Variants in KMT2C observed in about 807,000 individuals in gnomAD.
KMT2C encodes the protein lysine methyltransferase 2C, also known as histone-lysine N-methyltransferase 2C.
A neutral mutation model predicts 507.9 loss-of-function variants in KMT2C; 88 were observed. That is an observed-to-expected ratio of 0.17 (90% CI 0.15 to 0.21). The LOEUF is 0.21. Among genes scored for constraint, KMT2C ranks in the 10% least tolerant of loss-of-function variants. The probability of loss-of-function intolerance (pLI) is 1.00; values close to 1 mark genes in which losing one functional copy is unlikely to be tolerated. For synonymous variants in KMT2C, 2,049 were observed against 2,080.8 expected (o/e 0.98, Z 0.42); for missense variants, 4,954 against 5,957.8 (o/e 0.83, Z 5.55).
At chr7:152,207,451 A>C (rs776052984) in intron 23 of KMT2C, 23 bp from the exon 24 acceptor site, 3 of 1,554,670 alleles carry the variant, frequency 1.9e-6, no homozygotes, top group South Asian at 1.2e-5. Context: ...AAATGTATAC[A>C]CAAAACTGGA....
intron 26 of KMT2C, among the ~76,000 whole-genome samples, chr7:152,200,421 A>G (rs956476076): frequency 4.6e-5 from 7 of 152,340 alleles, no homozygotes; most frequent in South Asian, 2.1e-4. Context: ...AAGTTGAATT[A>G]CACATACAGT....
At position 152,177,846 on chromosome 7, in the gene KMT2C, C is replaced by A. The variant is rs1317868517; in HGVS notation, c.7607G>T (p.Gly2536Val). 6.2e-7 allele frequency: 1 copy of A among 1,613,420 alleles called. No individual in the cohort carries two copies. Among genetic ancestry groups the A allele is most frequent in the Non-Finnish European group, 8.5e-7 (1 of 1,179,860 alleles). Residue 2536 changes from glycine to valine, a missense_variant, in exon 38 of 59, where the codon GGA becomes GTA. This residue lies in a region of KMT2C where 1,689 missense variants were observed against 1,654.3 expected (regional missense o/e 1.02). Transcript: ENST00000262189. ...LNNSQMNNPVGLPQHFSPQSL... is the reference protein window; with the variant it reads ...LNNSQMNNPVVLPQHFSPQSL... ...CTGTGGTGAAAAATGCTGAGGAAGT[C>A]CAACTGGATTATTCATTTGTGAGTT... is the stretch of plus-strand genomic sequence containing the variant.
At chr7:152,420,062 A>G (rs899755371) in intron 1 of KMT2C, among the ~76,000 whole-genome samples, 30 of 152,348 alleles carry the variant, frequency 2.0e-4, no homozygotes, top group African/African-American at 7.0e-4. Context: ...CTTTGCACTG[A>G]GTTACCAGAA....
chr7:152,296,640 A>G (rs2096499486), intron 6 of KMT2C, among the ~76,000 whole-genome samples: 1 of 152,082 alleles, frequency 6.6e-6, no homozygotes, highest in Non-Finnish European at 1.5e-5. Flanking sequence ...AGAGACCAAT[A>G]TGTTCTGGAT....
chr7:152,180,022 C>T lies in KMT2C; in HGVS notation c.7254G>A (p.Gly2418=), dbSNP rs779294104. ...SQDSPAVPHP[G]PLQHWQPENV... is the part of the protein sequence containing the mutation. Reference sequence around the variant, plus strand: ...TCTCTGGTTGCCAGTGTTGAAGAGGCCCTGGATGAGGCACTGCGGGTGAGT... The same window carrying T: ...TCTCTGGTTGCCAGTGTTGAAGAGGTCCTGGATGAGGCACTGCGGGTGAGT... Residue 2418 remains glycine (G), a synonymous_variant, in exon 37 of 59, where the codon GGG becomes GGA. Transcript: ENST00000262189. 1 of 1,614,106 alleles carries T rather than the reference C, an allele frequency of 6.2e-7. No individual in the cohort carries two copies. The highest frequency in any genetic ancestry group is 8.5e-7 in the Non-Finnish European group (1 of 1,180,022).
At chr7:152,243,315 T>G (rs534098635) in intron 14 of KMT2C, among the ~76,000 whole-genome samples, 2 of 152,332 alleles carry the variant, frequency 1.3e-5, no homozygotes, top group Admixed American at 1.3e-4. Context: ...TCGGCTGTGT[T>G]GTTAGCTTGG....
chr7:152,358,624 C>T lies in KMT2C; in HGVS notation c.213G>A (p.Gly71=), dbSNP rs777506640. ...TCGTTTCTGTTTCTGTTGTCTCCAG[C>T]CCATCCATGCTGTCCTCATCTTCCA... ...TAVEDEDSMD[G]LETTETETIV... The change falls in exon 2 of 59, where the codon GGG becomes GGA. Residue 71 remains glycine, a synonymous_variant. Transcript: ENST00000262189. 10 of 1,612,036 alleles carry T rather than the reference C, an allele frequency of 6.2e-6. No homozygotes were observed. In the South Asian group the frequency reaches 1.1e-4, roughly 18 times the overall value.
chr7:152,277,349 T>A (rs1051250041), intron 6 of KMT2C, among the ~76,000 whole-genome samples: 2 of 152,108 alleles, frequency 1.3e-5, no homozygotes, highest in African/African-American at 4.8e-5. Flanking sequence ...TAGAATGACA[T>A]GAAAATCTGA....
At chr7:152,201,633 A>G (rs1274129420) in intron 26 of KMT2C, among the ~76,000 whole-genome samples, 1 of 149,714 alleles carries the variant, frequency 6.7e-6, no homozygotes, top group Admixed American at 6.6e-5. Context: ...AAAAAAAAAA[A>G]AAAAAAAAAA....
At chr7:152,253,760 C>T (rs2095602053) in intron 9 of KMT2C, among the ~76,000 whole-genome samples, 1 of 151,986 alleles carries the variant, frequency 6.6e-6, no homozygotes, top group African/African-American at 2.4e-5. Flanking sequence ...TATATTGCTC[C>T]ACATCAAAAG....
chr7:152,423,765 A>G (rs1177426853), intron 1 of KMT2C, among the ~76,000 whole-genome samples: 1 of 152,218 alleles, frequency 6.6e-6, no homozygotes, highest in African/African-American at 2.4e-5. Context: ...CCCGGCTGTT[A>G]AGAATTGGCC....
intron 1 of KMT2C, among the ~76,000 whole-genome samples, chr7:152,416,168 T>TC (rs2097733616): frequency 6.6e-6 from 1 of 151,298 alleles, no homozygotes; most frequent in East Asian, 2.0e-4. Context: ...GCAGGGGAGA[T>TC]CACTTGAGGT....
intron 1 of KMT2C, among the ~76,000 whole-genome samples, chr7:152,392,375 T>C (rs1442714592): frequency 2.6e-5 from 4 of 152,174 alleles, no homozygotes; most frequent in Non-Finnish European, 5.9e-5. Context: ...GTAGTAAAAA[T>C]ACAGCTTTTA....
At chr7:152,411,949 T>G in intron 1 of KMT2C, among the ~76,000 whole-genome samples, 1 of 152,192 alleles carries the variant, frequency 6.6e-6, no homozygotes, top group Non-Finnish European at 1.5e-5. Context: ...ATGATCTTCA[T>G]TCTTTGGTCA....
intron 46 of KMT2C, among the ~76,000 whole-genome samples, chr7:152,154,683 T>G (rs887379586): frequency 6.6e-6 from 1 of 152,168 alleles, no homozygotes; most frequent in Non-Finnish European, 1.5e-5. Flanking sequence ...GCACCAAAGT[T>G]TGAAGACCTG....
chr7:152,148,881 T>C lies in KMT2C; in HGVS notation c.13046A>G (p.Asn4349Ser), dbSNP rs746094038. 31 of 1,614,134 alleles carry C rather than the reference T, an allele frequency of 1.9e-5. No individual in the cohort carries two copies. The Admixed American group carries it at 5.0e-4, about 26-fold the overall frequency. ...HGGFEDCRPL[N>S]KKWRGMKWKK... ...CCATTTCATTCCTCTCCATTTTTTA[T>C]TGAGCGGCCTGCAATCTTCAAACCC... The change falls in exon 52 of 59, where the codon AAT (asparagine) becomes AGT (serine). Residue 4349 changes from asparagine (N) to serine (S), a missense_variant. This residue lies in a region of KMT2C where 417 missense variants were observed against 461.1 expected (regional missense o/e 0.90). Coordinates refer to ENST00000262189, the MANE Select transcript of KMT2C (RefSeq NM_170606.3). The surrounding 1 kb of genome is among the most constrained non-coding windows in gnomAD (Gnocchi z 7.1).
At chr7:152,165,612 G>A (rs1004286696) in intron 42 of KMT2C, among the ~76,000 whole-genome samples, 5 of 152,224 alleles carry the variant, frequency 3.3e-5, no homozygotes, top group Admixed American at 6.5e-5. Flanking sequence ...TTGAAGATAA[G>A]ACACGTGAGT....
intron 1 of KMT2C, among the ~76,000 whole-genome samples, chr7:152,365,286 G>A (rs2097232765): frequency 6.6e-6 from 1 of 152,176 alleles, no homozygotes; most frequent in African/African-American, 2.4e-5. Context: ...CGAGGCAGGC[G>A]GATCACCTGA....
At chr7:152,413,215 C>T (rs74408023) in intron 1 of KMT2C, among the ~76,000 whole-genome samples, 1 of 152,086 alleles carries the variant, frequency 6.6e-6, no homozygotes, top group Non-Finnish European at 1.5e-5. Context: ...CCTGGGTTCA[C>T]GTCATCTTCC....
Sources: gnomAD v4.1 joint callset for allele counts (sites outside exome capture counted in the v4.1 genomes callset) on GRCh38, gnomAD v4.1.1 for gene constraint, gnomAD v4.1.1 regional missense constraint, Gnocchi (gnomAD v3.1) non-coding constraint, MANE v1.5 for transcripts, NCBI Gene and HGNC (gene_info 2026-07-23, HGNC 2026-07-21) for gene names.